TTYH2: variants seen among roughly 807,000 people sequenced by gnomAD.
TTYH2 encodes tweety family member 2.
A neutral mutation model predicts 68.3 loss-of-function variants in TTYH2; 49 were observed. That is an observed-to-expected ratio of 0.72 (90% CI 0.57 to 0.91). The LOEUF is 0.91. Among genes scored for constraint, TTYH2 ranks in the 40% least tolerant of loss-of-function variants. The pLI, the probability that TTYH2 is intolerant of heterozygous loss-of-function variation, is 0.00. For synonymous variants in TTYH2, 272 were observed against 300.8 expected, an observed-to-expected ratio of 0.90 and a Z score of 0.99; for missense variants, 631 against 700.4, an observed-to-expected ratio of 0.90 and a Z score of 1.12.
chr17:74,234,841 A>G (rs377163133), intron 3 of TTYH2, among the ~76,000 whole-genome samples: 20 of 152,382 alleles, frequency 1.3e-4, no homozygotes, highest in African/African-American at 4.8e-4. Context: ...GGGTTTGTTC[A>G]GAATGGCACT....
chr17:74,251,073 T>G (rs1463499806), intron 10 of TTYH2, among the ~76,000 whole-genome samples: 1 of 127,778 alleles, frequency 7.8e-6, no homozygotes, highest in African/African-American at 3.0e-5. Context: ...TGTGCGTGTG[T>G]GTGCACTTGT....
chr17:74,223,658 T>G (rs1446045310), intron 2 of TTYH2, among the ~76,000 whole-genome samples: 2 of 152,212 alleles, frequency 1.3e-5, no homozygotes, highest in African/African-American at 4.8e-5. Context: ...GCGTTTTTCT[T>G]GTTTTTAAAT....
intron 1 of TTYH2, among the ~76,000 whole-genome samples, chr17:74,220,206 G>A (rs1489713297): frequency 6.6e-6 from 1 of 152,168 alleles, no homozygotes; most frequent in Non-Finnish European, 1.5e-5. Context: ...GGGCTGCCAA[G>A]GGGCGGCCAG....
chr17:74,218,895 T>C (rs1167396133), intron 1 of TTYH2, among the ~76,000 whole-genome samples: 1 of 152,196 alleles, frequency 6.6e-6, no homozygotes, highest in African/African-American at 2.4e-5. Flanking sequence ...GGCTTCAGGC[T>C]ACACAGGTTT....
intron 13 of TTYH2, among the ~76,000 whole-genome samples, chr17:74,255,015 G>A (rs539694053): frequency 6.6e-6 from 1 of 152,308 alleles, no homozygotes; most frequent in South Asian, 2.1e-4. Context: ...TACAGCCTCA[G>A]GGGAGTAGCT....
intron 11 of TTYH2, among the ~76,000 whole-genome samples, chr17:74,252,868 T>C (rs2050649497): frequency 6.6e-6 from 1 of 151,954 alleles, no homozygotes; most frequent in South Asian, 2.1e-4. Context: ...ATGGTCAGCG[T>C]GGTGGGGAGC....
chr17:74,240,411 T>G (rs2050487121), intron 4 of TTYH2, among the ~76,000 whole-genome samples: 1 of 150,348 alleles, frequency 6.7e-6, no homozygotes, highest in Non-Finnish European at 1.5e-5. Flanking sequence ...TGCACTCCAG[T>G]CAGGGCAATA....
intron 6 of TTYH2, among the ~76,000 whole-genome samples, chr17:74,245,781 C>G (rs923827915): frequency 1.3e-5 from 2 of 152,286 alleles, no homozygotes; most frequent in African/African-American, 4.8e-5. Flanking sequence ...GGCCGGCTGT[C>G]CCGGGGTTGT....
At chr17:74,257,364 G>A (rs987433187) in intron 13 of TTYH2, among the ~76,000 whole-genome samples, 12 of 152,134 alleles carry the variant, frequency 7.9e-5, no homozygotes, top group African/African-American at 2.4e-4. Flanking sequence ...CTCCATGCCC[G>A]GTAAGGGACC....
At position 74,239,281 on chromosome 17, in the gene TTYH2, C is replaced by T. The variant is rs1019819939; in HGVS notation, c.635+1767C>T. Among the ~76,000 whole-genome samples the T allele has an allele frequency of 2.2e-4, 34 of 152,278 alleles. No homozygotes were observed. The East Asian group carries it at 2.3e-3, about 10-fold the overall frequency. On this transcript the variant is annotated intron_variant, in intron 4 of 13. Transcript: ENST00000269346. This position sits in a 1 kb window ranked among gnomAD's most constrained non-coding sequence, Gnocchi z 5.3. ...GCAGCCCCAGCCTTTGGAGGGCTCC[C>T]GGCTGAATGATGGCCTGGGCTTGTG...
chr17:74,253,455 G>A (rs1211292300), intron 12 of TTYH2, among the ~76,000 whole-genome samples, 189 bp downstream of exon 12: 1 of 152,188 alleles, frequency 6.6e-6, no homozygotes, highest in Non-Finnish European at 1.5e-5. Flanking sequence ...ATGTGCTGGG[G>A]GAAGAAACCA....
chr17:74,222,613 C>G lies in TTYH2; in HGVS notation c.258C>G (p.Ser86=). ...DDAVQTKQHH[S]CCITWTAVVA... Reference sequence around the variant, plus strand: ...CGGTGCAGACCAAGCAGCACCACTCCTGCTGCATCACCTGGACGGCCGTGG... The same window carrying G: ...CGGTGCAGACCAAGCAGCACCACTCGTGCTGCATCACCTGGACGGCCGTGG... The change falls in exon 2 of 14, where the codon TCC becomes TCG. Residue 86 remains serine, a synonymous_variant. Transcript: ENST00000269346. This position sits in a 1 kb window ranked among gnomAD's most constrained non-coding sequence, Gnocchi z 5.2. 1 of 1,611,918 alleles carries G rather than the reference C, an allele frequency of 6.2e-7. No homozygotes were observed. Among genetic ancestry groups the G allele is most frequent in the Non-Finnish European group, 8.5e-7 (1 of 1,179,960 alleles).
At chr17:74,237,136 G>A (rs1193902371) in intron 3 of TTYH2, among the ~76,000 whole-genome samples, 158 bp from the exon 4 acceptor site, 1 of 152,036 alleles carries the variant, frequency 6.6e-6, no homozygotes, top group Admixed American at 6.6e-5. Context: ...CTGGGTTCAA[G>A]CAATCCGCCT....
chr17:74,252,736 G>A (rs1247206697), intron 11 of TTYH2, among the ~76,000 whole-genome samples: 1 of 152,214 alleles, frequency 6.6e-6, no homozygotes, highest in African/African-American at 2.4e-5. Context: ...AAGGATACAT[G>A]GGGTCACTGT....
intron 4 of TTYH2, among the ~76,000 whole-genome samples, chr17:74,240,596 G>A (rs1432872288): frequency 6.6e-6 from 1 of 152,188 alleles, no homozygotes; most frequent in African/African-American, 2.4e-5. Context: ...AAGGGCCCCT[G>A]TCTTTGCTTT....
At position 74,232,112 on chromosome 17, in the gene TTYH2, C is replaced by T. The variant is rs558690268; in HGVS notation, c.414+1113C>T. On this transcript the variant is annotated intron_variant, in intron 3 of 13. Transcript: ENST00000269346. This position sits in a 1 kb window ranked among gnomAD's most constrained non-coding sequence, Gnocchi z 5.1. ...CACCAGACCTTTTCAGCTGCTTATCCGAGCAGCCTCTGCCACAAAATCCAG... is the reference window on the plus strand; with the variant it reads ...CACCAGACCTTTTCAGCTGCTTATCTGAGCAGCCTCTGCCACAAAATCCAG... 7.9e-4 allele frequency among the ~76,000 whole-genome samples: 120 copies of T among 152,332 alleles called. No homozygotes were observed. Among genetic ancestry groups the T allele is most frequent in the Non-Finnish European group, 1.5e-3 (101 of 68,028 alleles).
At chr17:74,253,708 C>G in intron 12 of TTYH2, 47 bp from the exon 13 acceptor site, 1 of 1,589,488 alleles carries the variant, frequency 6.3e-7, no homozygotes, top group Non-Finnish European at 8.6e-7. Flanking sequence ...TACACACACC[C>G]CCACTCCCAC....
chr17:74,218,119 G>T lies in TTYH2; in HGVS notation c.130-4366G>T, dbSNP rs1358986845. On this transcript the variant is annotated intron_variant, in intron 1 of 13. Transcript: ENST00000269346. ...GTTAATTAGGAGCAAGAAAATAATT[G>T]CCCATTAGGAGCAGCAGGTGCCACC... 2.1e-5 allele frequency among the ~76,000 whole-genome samples: 3 copies of T among 140,074 alleles called. No homozygotes were observed. The Admixed American group carries it at 2.2e-4, about 10-fold the overall frequency. 91.9% of individuals were successfully genotyped at this position (140,074 alleles called of 152,430 possible). A position where few individuals can be genotyped will look rare whatever the true frequency, so the allele number is the denominator to read the frequency against.
intron 4 of TTYH2, among the ~76,000 whole-genome samples, chr17:74,238,036 G>A (rs1008801286): frequency 6.6e-6 from 1 of 152,186 alleles, no homozygotes. Context: ...TAGATAGGCA[G>A]CAGAGGCTAC....
Sources: gnomAD v4.1 joint callset for allele counts (sites outside exome capture counted in the v4.1 genomes callset) on GRCh38, gnomAD v4.1.1 for gene constraint, Gnocchi (gnomAD v3.1) non-coding constraint, MANE v1.5 for transcripts, NCBI Gene and HGNC (gene_info 2026-07-23, HGNC 2026-07-21) for gene names.